FCHSD2: variants seen among roughly 807,000 people sequenced by gnomAD.
FCHSD2 encodes F-BAR and double SH3 domains protein 2.
A neutral mutation model predicts 108.1 loss-of-function variants in FCHSD2; 38 were observed. The observed-to-expected ratio is 0.35, with a 90% CI of 0.27 to 0.46. The LOEUF is 0.46. Ranked by LOEUF, FCHSD2 falls within the 20% of genes least tolerant of loss-of-function variation. The pLI is 1.00. For synonymous variants in FCHSD2, 279 were observed against 314.7 expected, an observed-to-expected ratio of 0.89 and a Z score of 1.20; for missense variants, 751 against 897.8, an observed-to-expected ratio of 0.84 and a Z score of 2.09.
chr11:72,932,813 G>A lies in FCHSD2; in HGVS notation c.706-10863C>T, dbSNP rs550292151. On this transcript the variant is annotated intron_variant, in intron 8 of 19. Coordinates refer to ENST00000409418, the MANE Select transcript of FCHSD2 (RefSeq NM_014824.3). ...CATTCCATCTTCTGTGTTGAGCATAGGGTTTGGCATACTGGTAGTGCTCAA... is the reference window on the plus strand; with the variant it reads ...CATTCCATCTTCTGTGTTGAGCATAAGGTTTGGCATACTGGTAGTGCTCAA... Among the ~76,000 whole-genome samples, 8 of 152,256 alleles carry A rather than the reference G, an allele frequency of 5.3e-5. No individual in the cohort carries two copies. The East Asian group carries it at 9.6e-4, about 18-fold the overall frequency.
rs1591455908 is a variant in FCHSD2 at position 72,983,079 on chromosome 11, G to A, written c.705+1009C>T. ...GGAGGCTGAGGCGGGCGGATCACGA[G>A]GTCAGGAGATCGAGACCATCCCGGC... On this transcript the variant is annotated intron_variant, in intron 8 of 19. Coordinates refer to ENST00000409418, the MANE Select transcript of FCHSD2 (RefSeq NM_014824.3). Among the ~76,000 whole-genome samples the A allele has an allele frequency of 2.6e-5, 4 of 152,174 alleles. No homozygotes were observed. In the East Asian group the frequency reaches 7.7e-4, roughly 29 times the overall value.
intron 13 of FCHSD2, among the ~76,000 whole-genome samples, chr11:72,862,997 G>A (rs1056065939): frequency 2.6e-5 from 4 of 152,038 alleles, no homozygotes; most frequent in African/African-American, 4.8e-5. Flanking sequence ...ATCATAGTTC[G>A]CTGTAACCTT....
chr11:72,986,689 T>C (rs1461044330), intron 6 of FCHSD2, among the ~76,000 whole-genome samples: 1 of 152,112 alleles, frequency 6.6e-6, no homozygotes, highest in Non-Finnish European at 1.5e-5. Flanking sequence ...TCTTCCAATA[T>C]AAGGTTTTAA....
chr11:73,057,801 G>A (rs576688613), intron 3 of FCHSD2, among the ~76,000 whole-genome samples: 1 of 152,056 alleles, frequency 6.6e-6, no homozygotes, highest in Admixed American at 6.5e-5. Flanking sequence ...GCTATACAGG[G>A]AATGAGTTCC....
intron 10 of FCHSD2, among the ~76,000 whole-genome samples, chr11:72,893,458 G>A (rs1251325027): frequency 6.6e-6 from 1 of 152,006 alleles, no homozygotes; most frequent in Non-Finnish European, 1.5e-5. Flanking sequence ...TGAGACCACA[G>A]CATATGCCAT....
At chr11:72,916,948 C>T in intron 9 of FCHSD2, among the ~76,000 whole-genome samples, 1 of 145,208 alleles carries the variant, frequency 6.9e-6, no homozygotes, top group South Asian at 2.2e-4. Context: ...TAAGGGTTCA[C>T]AACTTCATTG....
intron 2 of FCHSD2, among the ~76,000 whole-genome samples, chr11:73,087,169 T>C (rs1479368865): frequency 6.6e-6 from 1 of 152,142 alleles, no homozygotes; most frequent in East Asian, 1.9e-4. Context: ...TGTGTAGGCC[T>C]AGGTTAATGT....
At chr11:72,883,826 G>A (rs1855139160) in intron 12 of FCHSD2, among the ~76,000 whole-genome samples, 1 of 151,954 alleles carries the variant, frequency 6.6e-6, no homozygotes, top group Non-Finnish European at 1.5e-5. Context: ...CAGCTACTCG[G>A]GAGGCTGACA....
chr11:72,856,177 A>G (rs992249085), intron 13 of FCHSD2, among the ~76,000 whole-genome samples: 1 of 152,220 alleles, frequency 6.6e-6, no homozygotes, highest in Admixed American at 6.5e-5. Flanking sequence ...TGATGGATAG[A>G]AAACGAAGGA....
Position 72,838,560 on chromosome 11 carries a change from T to C in FCHSD2, c.*231A>G, listed in dbSNP as rs2135143023. On this transcript the variant is annotated 3_prime_UTR_variant, in exon 20 of 20. Coordinates refer to ENST00000409418, the MANE Select transcript of FCHSD2 (RefSeq NM_014824.3). Reference sequence around the variant, plus strand: ...CCCCCTCTTTGCTCCTAGGGTCCGCTAGGATTTGTGCTATGGTAGGAGAAA... The same window carrying C: ...CCCCCTCTTTGCTCCTAGGGTCCGCCAGGATTTGTGCTATGGTAGGAGAAA... 1.8e-6 allele frequency: 1 copy of C among 562,512 alleles called. No homozygotes were observed. The highest frequency in any genetic ancestry group is 3.2e-6 in the Non-Finnish European group (1 of 313,464). 34.8% of individuals were successfully genotyped at this position (562,512 alleles called of 1,614,324 possible). A position where few individuals can be genotyped will look rare whatever the true frequency, so the allele number is the denominator to read the frequency against.
chr11:72,847,842 G>A (rs1382936977), intron 14 of FCHSD2, among the ~76,000 whole-genome samples: 5 of 151,834 alleles, frequency 3.3e-5, no homozygotes, highest in Admixed American at 1.3e-4. Flanking sequence ...ACAGGCGCCC[G>A]CCACCACGCC....
chr11:73,103,491 C>A (rs907611275), intron 2 of FCHSD2, among the ~76,000 whole-genome samples: 17 of 152,248 alleles, frequency 1.1e-4, no homozygotes, highest in African/African-American at 4.1e-4. Flanking sequence ...CAAATATCTG[C>A]CGCCTTCTGT....
chr11:72,900,438 A>C, intron 10 of FCHSD2: 1 of 716,206 alleles, frequency 1.4e-6, no homozygotes, highest in Admixed American at 2.3e-5. Context: ...TAGAAACAAA[A>C]GATTTAGGGC....
intron 9 of FCHSD2, among the ~76,000 whole-genome samples, chr11:72,911,100 T>C (rs1855756005): frequency 1.3e-5 from 2 of 152,214 alleles, no homozygotes; most frequent in Admixed American, 1.3e-4. Flanking sequence ...CAGTGTTTTC[T>C]TTTAGTAGTT....
rs78345869 is a variant in FCHSD2 at position 72,982,832 on chromosome 11, C to T, written c.705+1256G>A. On this transcript the variant is annotated intron_variant, in intron 8 of 19. Transcript: ENST00000409418. ...ATTTTACCCATAAATTCAGGATAAA[C>T]GTAATGAAATTTTTTAAAAATCTAA... Among the ~76,000 whole-genome samples the T allele has an allele frequency of 9.8e-3, 1,498 of 152,098 alleles. 20 individuals carry two copies. The highest frequency in any genetic ancestry group is 0.034 in the African/African-American group (1,423 of 41,470).
At chr11:72,974,399 T>C (rs767354783) in intron 8 of FCHSD2, among the ~76,000 whole-genome samples, 1 of 152,232 alleles carries the variant, frequency 6.6e-6, no homozygotes, top group East Asian at 1.9e-4. Flanking sequence ...CATGACCTAA[T>C]GACCTTTTAA....
intron 8 of FCHSD2, among the ~76,000 whole-genome samples, chr11:72,962,062 A>G (rs2135373805): frequency 6.6e-6 from 1 of 152,350 alleles, no homozygotes; most frequent in Non-Finnish European, 1.5e-5. Flanking sequence ...CTTCAATTTT[A>G]GTCTTAGAGT....
rs147216671 is a variant in FCHSD2 at position 73,063,321 on chromosome 11, C to G, written c.165+20374G>C. Among the ~76,000 whole-genome samples the G allele has an allele frequency of 2.7e-3, 412 of 152,262 alleles. 14 individuals carry two copies. In the East Asian group the frequency reaches 0.061, roughly 22 times the overall value. Reference sequence around the variant, plus strand: ...CATGGAAAGGAACAACCGGTACCAGCCACTGCAAAAACATGCCAAATTGTA... The same window carrying G: ...CATGGAAAGGAACAACCGGTACCAGGCACTGCAAAAACATGCCAAATTGTA... On this transcript the variant is annotated intron_variant, in intron 3 of 19. Transcript: ENST00000409418.
chr11:73,062,251 A>G (rs531603698), intron 3 of FCHSD2, among the ~76,000 whole-genome samples: 1 of 152,322 alleles, frequency 6.6e-6, no homozygotes, highest in East Asian at 1.9e-4. Flanking sequence ...ACAGAAAGGA[A>G]TAGCATGTGC....
Sources: allele counts gnomAD v4.1 joint callset (sites outside exome capture counted in the v4.1 genomes callset), GRCh38; gene constraint gnomAD v4.1.1; transcripts MANE v1.5; gene names NCBI Gene and HGNC (gene_info 2026-07-23, HGNC 2026-07-21).